CCDC158: variants seen among roughly 807,000 people sequenced by gnomAD.
CCDC158 encodes the protein coiled-coil domain containing 158, also known as coiled-coil domain-containing protein 158.
A neutral mutation model predicts 138.6 loss-of-function variants in CCDC158; 116 were observed. The ratio of observed to expected loss-of-function variants is 0.84; its 90% CI spans 0.72 to 0.98. CCDC158 has a LOEUF of 0.98. CCDC158 is among the 50% of genes least tolerant of loss of function. The probability of loss-of-function intolerance (pLI) is 0.00; values close to 1 mark genes in which losing one functional copy is unlikely to be tolerated. For synonymous variants in CCDC158, 436 were observed against 442.4 expected (o/e 0.99, Z 0.18); for missense variants, 1,265 against 1,306.1 (o/e 0.97, Z 0.48).
At chr4:76,356,368 A>G (rs2870227) in intron 14 of CCDC158, among the ~76,000 whole-genome samples, 127,807 of 151,782 alleles carry the variant, frequency 0.84, 54,035 homozygotes, top group South Asian at 0.94. Context: ...TTTCTAAAAC[A>G]AATGTTTTTT....
At chr4:76,342,477 A>AAGT (rs1722150149) in intron 18 of CCDC158, among the ~76,000 whole-genome samples, 1 of 152,190 alleles carries the variant, frequency 6.6e-6, no homozygotes, top group Non-Finnish European at 1.5e-5. Flanking sequence ...CTAATCTCCA[A>AAGT]AGTACTTTGC....
intron 7 of CCDC158, 27 bp from the exon 8 acceptor site, chr4:76,382,747 T>C: frequency 7.4e-7 from 1 of 1,358,592 alleles, no homozygotes; most frequent in Non-Finnish European, 1.0e-6. Flanking sequence ...GTGATTGTCA[T>C]TTGATACAGA....
At chr4:76,355,776 TATATA>T (rs1245753779) in intron 14 of CCDC158, among the ~76,000 whole-genome samples, 1 of 138,758 alleles carries the variant, frequency 7.2e-6, no homozygotes, top group Non-Finnish European at 1.5e-5. Flanking sequence ...TGTAGGGAAA[TATATA>T]ATATATAATA....
chr4:76,317,566 C>T (rs1379535534), intron 24 of CCDC158, among the ~76,000 whole-genome samples: 1 of 152,098 alleles, frequency 6.6e-6, no homozygotes, highest in Admixed American at 6.5e-5. Flanking sequence ...TACCACTAGA[C>T]AGGTCATCAA....
chr4:76,371,981 G>T (rs1427531904), intron 9 of CCDC158, among the ~76,000 whole-genome samples: 2 of 139,820 alleles, frequency 1.4e-5, no homozygotes, highest in Admixed American at 1.4e-4. Context: ...GTCTTGTAAA[G>T]TTTTTTTTTT....
At chr4:76,350,853 T>C in intron 18 of CCDC158, 143 bp downstream of exon 18, 1 of 676,518 alleles carries the variant, frequency 1.5e-6, no homozygotes, top group Non-Finnish European at 2.2e-6. Context: ...CCATTGAATT[T>C]ATAGGAAAAT....
intron 9 of CCDC158, 92 bp downstream of exon 9, chr4:76,379,198 T>G: frequency 1.6e-6 from 1 of 613,614 alleles, no homozygotes; most frequent in Non-Finnish European, 2.6e-6. Flanking sequence ...GAAATTACTT[T>G]GATTCCTTAT....
At chr4:76,401,425 A>G in intron 3 of CCDC158, 3 of 460,936 alleles carry the variant, frequency 6.5e-6, no homozygotes, top group Non-Finnish European at 8.5e-6. Flanking sequence ...TTTTCTGGAA[A>G]AAGACTAAAA....
chr4:76,414,605 G>C (rs150784184), intron 1 of CCDC158, among the ~76,000 whole-genome samples: 1 of 152,184 alleles, frequency 6.6e-6, no homozygotes, highest in African/African-American at 2.4e-5. Flanking sequence ...GAATTCCCAC[G>C]TGTGTGGGAG....
intron 6 of CCDC158, among the ~76,000 whole-genome samples, 174 bp from the exon 7 acceptor site, chr4:76,383,912 C>T (rs950032206): frequency 6.6e-6 from 1 of 152,146 alleles, no homozygotes; most frequent in African/African-American, 2.4e-5. Flanking sequence ...TCTCATGAAG[C>T]TATACGGTAA....
chr4:76,418,024 G>A (rs1294308558), intron 1 of CCDC158, among the ~76,000 whole-genome samples: 1 of 152,182 alleles, frequency 6.6e-6, no homozygotes, highest in Non-Finnish European at 1.5e-5. Flanking sequence ...TGTCAGTGAG[G>A]TTGGCGGAGG....
chr4:76,385,643 T>C (rs1375900039), intron 4 of CCDC158, among the ~76,000 whole-genome samples: 1 of 151,812 alleles, frequency 6.6e-6, no homozygotes, highest in East Asian at 1.9e-4. Flanking sequence ...GAGGTGAAAA[T>C]ATGTTTCCAA....
chr4:76,396,373 C>G lies in CCDC158; in HGVS notation c.184G>C (p.Asp62His). The G allele has an allele frequency of 6.2e-7, 1 of 1,613,746 alleles. No individual in the cohort carries two copies. The highest frequency in any genetic ancestry group is 8.5e-7 in the Non-Finnish European group (1 of 1,179,708). Residue 62 changes from aspartate to histidine, a missense_variant, in exon 4 of 25, where the codon GAT becomes CAT. Asp to His is a moderately conservative substitution (Grantham distance 81). Coordinates refer to ENST00000682701, the MANE Select transcript of CCDC158 (RefSeq NM_001394954.1). The stretch of plus-strand genomic sequence containing the variant: ...GATGGGATGATTTTTCTAGGAGAAT[C>G]AAGTTCCACTTCATATTTAGGGAAA... ...PFFPKYEVEL[D>H]SPRKIIPSPG...
Position 76,384,303 on chromosome 4 carries a change from G to T in CCDC158, c.511C>A (p.Gln171Lys). ...KEDMLKDSNT[Q>K]IEQLRKMMLS... is the part of the protein sequence containing the mutation. ...ATCATTTTTCGTAGTTGCTCTATCT[G>T]TGTGTTGCTGTCTTTCAGCATGTCC... is the stretch of plus-strand genomic sequence containing the variant. Residue 171 changes from glutamine (Q) to lysine (K), a missense_variant, in exon 6 of 25, where the codon CAG becomes AAG. Physicochemically the swap from Gln to Lys is moderately conservative, Grantham distance 53. Coordinates refer to ENST00000682701, the MANE Select transcript of CCDC158 (RefSeq NM_001394954.1). The T allele has an allele frequency of 6.2e-7, 1 of 1,614,098 alleles. No homozygotes were observed. The highest frequency in any genetic ancestry group is 8.5e-7 in the Non-Finnish European group (1 of 1,179,996).
intron 13 of CCDC158, among the ~76,000 whole-genome samples, chr4:76,358,207 T>G (rs1723773950): frequency 6.6e-6 from 1 of 152,136 alleles, no homozygotes; most frequent in Non-Finnish European, 1.5e-5. Flanking sequence ...TTGCTTACAT[T>G]GCTTTTCCAA....
intron 11 of CCDC158, 23 bp downstream of exon 11, chr4:76,369,403 G>A (rs1725011905): frequency 1.2e-6 from 2 of 1,609,168 alleles, no homozygotes. Flanking sequence ...TTTGGCGATG[G>A]CACAGCCTGT....
At chr4:76,354,802 C>T (rs935737743) in intron 15 of CCDC158, among the ~76,000 whole-genome samples, 5 of 152,184 alleles carry the variant, frequency 3.3e-5, no homozygotes, top group Admixed American at 1.3e-4. Context: ...CAATAACATA[C>T]GAGCTGCATA....
intron 13 of CCDC158, among the ~76,000 whole-genome samples, chr4:76,358,088 A>T (rs1723762093): frequency 6.6e-6 from 1 of 152,162 alleles, no homozygotes; most frequent in East Asian, 1.9e-4. Flanking sequence ...ATTTGTCCAG[A>T]CATCTCCATG....
chr4:76,353,373 C>T (rs1304273261), intron 15 of CCDC158, 92 bp from the exon 16 acceptor site: 11 of 980,478 alleles, frequency 1.1e-5, no homozygotes, highest in Non-Finnish European at 1.5e-5. Context: ...TTAAAGGACC[C>T]TGAACTAGGT....
Sources: gnomAD v4.1 joint callset for allele counts (sites outside exome capture counted in the v4.1 genomes callset) on GRCh38, gnomAD v4.1.1 for gene constraint, MANE v1.5 for transcripts, NCBI Gene and HGNC (gene_info 2026-07-23, HGNC 2026-07-21) for gene names.